The following GSK3B variants were observed in gnomAD, a reference collection of about 807,000 sequenced individuals.
The protein encoded by GSK3B is glycogen synthase kinase-3 beta.
Under a neutral mutation model 56.4 loss-of-function variants are expected in GSK3B, and 15 were observed. The ratio of observed to expected loss-of-function variants is 0.27; its 90% CI spans 0.18 to 0.41. GSK3B has a LOEUF of 0.41. Ranked by LOEUF, GSK3B falls within the 10% of genes least tolerant of loss-of-function variation. The pLI is 1.00. For missense variants in GSK3B, 300 were observed against 513.4 expected, an observed-to-expected ratio of 0.58 and a Z score of 4.02; for synonymous variants, 181 against 188.9, an observed-to-expected ratio of 0.96 and a Z score of 0.34.
chr3:119,835,480 A>T (rs2108003509), intron 10 of GSK3B, among the ~76,000 whole-genome samples: 1 of 152,336 alleles, frequency 6.6e-6, no homozygotes, highest in East Asian at 1.9e-4. Context: ...TTGGTTGAAT[A>T]CTACAGTCTA....
chr3:119,891,720 G>A (rs548497010), intron 7 of GSK3B, among the ~76,000 whole-genome samples: 2 of 152,156 alleles, frequency 1.3e-5, no homozygotes, highest in East Asian at 1.9e-4. Context: ...AATTAAACTA[G>A]ATGGAAATGC....
chr3:119,985,389 G>A (rs1302028155), intron 2 of GSK3B, among the ~76,000 whole-genome samples: 1 of 152,168 alleles, frequency 6.6e-6, no homozygotes, highest in Non-Finnish European at 1.5e-5. Context: ...AAACAAGGAA[G>A]TCAAATTGTC....
intron 2 of GSK3B, among the ~76,000 whole-genome samples, chr3:119,976,058 GATA>G (rs1187791999): frequency 6.6e-6 from 1 of 152,122 alleles, no homozygotes; most frequent in Non-Finnish European, 1.5e-5. Flanking sequence ...TAAAAAACTA[GATA>G]ATAACAAGTG....
intron 1 of GSK3B, among the ~76,000 whole-genome samples, chr3:120,054,851 T>C (rs760372255): frequency 7.2e-5 from 11 of 152,212 alleles, no homozygotes; most frequent in Non-Finnish European, 1.5e-4. Flanking sequence ...GTGTAGCACA[T>C]GTAATGAGTT....
At chr3:119,855,484 T>G (rs1306337412) in intron 9 of GSK3B, among the ~76,000 whole-genome samples, 1 of 152,224 alleles carries the variant, frequency 6.6e-6, no homozygotes, top group East Asian at 1.9e-4. Context: ...ACTGGGTGTA[T>G]ACCCAAAGGA....
At position 119,824,723 on chromosome 3, in the gene GSK3B, T is replaced by A. The variant is rs1452523384; in HGVS notation, c.*2065A>T. 1.0e-5 allele frequency: 2 copies of A among 191,686 alleles called. No homozygotes were observed. Among genetic ancestry groups the A allele is most frequent in the Non-Finnish European group, 2.2e-5 (2 of 91,646 alleles). 11.9% of individuals were successfully genotyped at this position (191,686 alleles called of 1,614,324 possible). The stretch of plus-strand genomic sequence containing the variant: ...TTCAATTTGTTTGATTTGGTTTGAC[T>A]GAGCATGTTTCCTTTCTCATAAACT... On this transcript the variant is annotated 3_prime_UTR_variant, in exon 11 of 11. Coordinates refer to ENST00000264235, the MANE Select transcript of GSK3B (RefSeq NM_001146156.2).
At chr3:119,976,072 C>T (rs751603402) in intron 2 of GSK3B, among the ~76,000 whole-genome samples, 7 of 152,146 alleles carry the variant, frequency 4.6e-5, no homozygotes, top group Non-Finnish European at 1.0e-4. Flanking sequence ...ATAACAAGTG[C>T]TATCAAAGTT....
chr3:119,904,737 T>G (rs960552571), intron 7 of GSK3B, among the ~76,000 whole-genome samples: 1 of 152,126 alleles, frequency 6.6e-6, no homozygotes, highest in African/African-American at 2.4e-5. Flanking sequence ...ATGCTGGAAG[T>G]GTTCAAGAAA....
chr3:119,840,491 T>C lies in GSK3B; in HGVS notation c.1195+2764A>G, dbSNP rs191995300. Among the ~76,000 whole-genome samples the C allele has an allele frequency of 4.9e-3, 746 of 152,288 alleles. 8 individuals are homozygous for C. The highest frequency in any genetic ancestry group is 0.017 in the African/African-American group (708 of 41,554). Reference sequence around the variant, plus strand: ...TGCCTGTCTCAGCCTCCCAAAGTGCTGGGATTACAGGTGTGAGCCACCGCG... The same window carrying C: ...TGCCTGTCTCAGCCTCCCAAAGTGCCGGGATTACAGGTGTGAGCCACCGCG... On this transcript the variant is annotated intron_variant, in intron 10 of 10. Transcript: ENST00000264235.
chr3:119,898,425 A>G (rs769819237), intron 7 of GSK3B, among the ~76,000 whole-genome samples: 1 of 152,194 alleles, frequency 6.6e-6, no homozygotes, highest in Non-Finnish European at 1.5e-5. Flanking sequence ...TTGAAACAGA[A>G]TTAAACCTAA....
chr3:120,077,303 A>AGT (rs1383876778), intron 1 of GSK3B, among the ~76,000 whole-genome samples: 1 of 152,202 alleles, frequency 6.6e-6, no homozygotes, highest in African/African-American at 2.4e-5. Flanking sequence ...GTTAAACTTC[A>AGT]GTGTGTGTAT....
At chr3:119,953,345 A>G (rs2057177001) in intron 2 of GSK3B, among the ~76,000 whole-genome samples, 1 of 152,234 alleles carries the variant, frequency 6.6e-6, no homozygotes, top group Admixed American at 6.5e-5. Context: ...TTCCAGCTAC[A>G]TCACACACTA....
rs1315979333 is a variant in GSK3B at position 119,826,776 on chromosome 3, G to A, written c.*12C>T. On this transcript the variant is annotated 3_prime_UTR_variant, in exon 11 of 11. Coordinates refer to ENST00000264235, the MANE Select transcript of GSK3B (RefSeq NM_001146156.2). ...GGTGGTTTTTCCTGTGCAGCTGGCTGCTCGGGACTGTTCAGGTGGAGTTGG... is the reference window on the plus strand; with the variant it reads ...GGTGGTTTTTCCTGTGCAGCTGGCTACTCGGGACTGTTCAGGTGGAGTTGG... 13 of 1,593,530 alleles carry A rather than the reference G, an allele frequency of 8.2e-6. No homozygotes were observed. The highest frequency in any genetic ancestry group is 1.0e-5 in the Non-Finnish European group (12 of 1,161,278).
intron 1 of GSK3B, among the ~76,000 whole-genome samples, chr3:120,051,675 G>A (rs1246079598): frequency 2.0e-5 from 3 of 151,416 alleles, no homozygotes; most frequent in Non-Finnish European, 2.9e-5. Context: ...GCTGAGGCAC[G>A]AGAATCACTT....
chr3:119,917,019 T>C (rs181871161), intron 4 of GSK3B, among the ~76,000 whole-genome samples: 207 of 152,300 alleles, frequency 1.4e-3, no homozygotes, highest in African/African-American at 4.9e-3. Flanking sequence ...GTCAGTGTTC[T>C]GATTCACTTT....
At chr3:119,910,938 C>G (rs1344660837) in intron 6 of GSK3B, among the ~76,000 whole-genome samples, 2 of 152,186 alleles carry the variant, frequency 1.3e-5, no homozygotes, top group Non-Finnish European at 2.9e-5. Flanking sequence ...TCAGTCACAT[C>G]TTCAGGCTCC....
intron 1 of GSK3B, among the ~76,000 whole-genome samples, chr3:120,089,679 C>G (rs1415374249): frequency 1.3e-5 from 2 of 152,076 alleles, no homozygotes; most frequent in Non-Finnish European, 2.9e-5. Context: ...AAGTATTAAA[C>G]CTAAACAACT....
At chr3:119,925,482 C>T (rs2056881582) in intron 3 of GSK3B, among the ~76,000 whole-genome samples, 1 of 152,186 alleles carries the variant, frequency 6.6e-6, no homozygotes, top group Non-Finnish European at 1.5e-5. Context: ...CAAGCACTAA[C>T]CTACCAGCAT....
At chr3:119,900,814 C>A (rs1025255624) in intron 7 of GSK3B, among the ~76,000 whole-genome samples, 28 of 151,806 alleles carry the variant, frequency 1.8e-4, no homozygotes, top group Admixed American at 1.2e-3. Flanking sequence ...TAAAAGTCTA[C>A]AAAGCAGTAA....
Sources: allele counts gnomAD v4.1 joint callset (sites outside exome capture counted in the v4.1 genomes callset), GRCh38; gene constraint gnomAD v4.1.1; transcripts MANE v1.5; gene names NCBI Gene and HGNC (gene_info 2026-07-23, HGNC 2026-07-21).